The following GPC6 variants were observed in gnomAD, a reference collection of about 807,000 sequenced individuals.
GPC6 encodes glypican 6, also known as glypican-6.
Under a neutral mutation model 55.2 loss-of-function variants are expected in GPC6, and 14 were observed. That is an observed-to-expected ratio of 0.25 (90% CI 0.17 to 0.40). The LOEUF is 0.40. GPC6 is among the 10% of genes least tolerant of loss of function. GPC6 has a pLI of 1.00. For missense variants in GPC6, 641 were observed against 708.5 expected (o/e 0.90, Z 1.08); for synonymous variants, 278 against 259.6 (o/e 1.07, Z -0.68).
intron 4 of GPC6, among the ~76,000 whole-genome samples, chr13:94,196,834 A>G (rs1315095986): frequency 6.6e-6 from 1 of 152,196 alleles, no homozygotes; most frequent in African/African-American, 2.4e-5. Flanking sequence ...TGGAACTTTA[A>G]CCTCAATTAA....
intron 2 of GPC6, among the ~76,000 whole-genome samples, chr13:93,804,913 C>T (rs1197265483): frequency 6.6e-6 from 1 of 152,300 alleles, no homozygotes; most frequent in East Asian, 1.9e-4. Flanking sequence ...TCCATCCTAG[C>T]AGAGCTGTTA....
chr13:93,696,654 C>T (rs1882467431), intron 2 of GPC6, among the ~76,000 whole-genome samples: 2 of 141,104 alleles, frequency 1.4e-5, no homozygotes, highest in Non-Finnish European at 1.5e-5. Context: ...CCCTCTTTTG[C>T]TCTTTTGCCC....
At chr13:94,398,185 C>T (rs756020332) in intron 7 of GPC6, among the ~76,000 whole-genome samples, 8 of 151,388 alleles carry the variant, frequency 5.3e-5, no homozygotes, top group Non-Finnish European at 1.2e-4. Flanking sequence ...CTTATAGGTC[C>T]CCAATTTCGC....
chr13:93,418,687 G>A (rs1196476119), intron 1 of GPC6, among the ~76,000 whole-genome samples: 3 of 150,094 alleles, frequency 2.0e-5, no homozygotes, highest in African/African-American at 2.5e-5. Flanking sequence ...TATTAATAGT[G>A]CTATACCGTA....
At chr13:93,911,063 T>C (rs531845911) in intron 3 of GPC6, among the ~76,000 whole-genome samples, 11 of 152,214 alleles carry the variant, frequency 7.2e-5, no homozygotes, top group Non-Finnish European at 1.6e-4. Flanking sequence ...GAAGATGCTC[T>C]ATTTCAAACT....
chr13:94,007,868 C>A (rs76773568), intron 3 of GPC6, among the ~76,000 whole-genome samples: 7 of 151,904 alleles, frequency 4.6e-5, no homozygotes, highest in Non-Finnish European at 8.8e-5. Context: ...GTGAATCTAA[C>A]GTACATTTTT....
At chr13:93,267,364 C>G (rs924405063) in intron 1 of GPC6, among the ~76,000 whole-genome samples, 1 of 151,292 alleles carries the variant, frequency 6.6e-6, no homozygotes, top group Admixed American at 6.6e-5. Flanking sequence ...TCTCTTGGAT[C>G]ACTCATTCAT....
At chr13:93,273,636 C>G (rs1233222025) in intron 1 of GPC6, among the ~76,000 whole-genome samples, 1 of 151,868 alleles carries the variant, frequency 6.6e-6, no homozygotes, top group Non-Finnish European at 1.5e-5. Context: ...CCAGCCTGGG[C>G]GACAGAGCGA....
At chr13:93,433,471 GA>G (rs919666291) in intron 1 of GPC6, among the ~76,000 whole-genome samples, 7 of 152,146 alleles carry the variant, frequency 4.6e-5, no homozygotes, top group African/African-American at 1.7e-4. Context: ...TTTGGAATTA[GA>G]AAAACTTGGT....
intron 3 of GPC6, among the ~76,000 whole-genome samples, chr13:93,933,886 C>T (rs772260843): frequency 1.6e-4 from 24 of 152,128 alleles, no homozygotes; most frequent in Non-Finnish European, 3.1e-4. Context: ...AAACCGCAGC[C>T]CCTTCCATGG....
At chr13:94,129,180 T>A (rs1886928359) in intron 4 of GPC6, among the ~76,000 whole-genome samples, 1 of 152,114 alleles carries the variant, frequency 6.6e-6, no homozygotes, top group Non-Finnish European at 1.5e-5. Flanking sequence ...GAACAAACAA[T>A]ATAAATTGAA....
chr13:94,216,696 T>C (rs1428644248), intron 4 of GPC6, among the ~76,000 whole-genome samples: 1 of 152,154 alleles, frequency 6.6e-6, no homozygotes, highest in African/African-American at 2.4e-5. Context: ...TCACACATAG[T>C]GGTCAGAACC....
intron 3 of GPC6, among the ~76,000 whole-genome samples, chr13:93,970,674 G>A (rs571786521): frequency 2.0e-5 from 3 of 152,268 alleles, no homozygotes; most frequent in Admixed American, 6.5e-5. Context: ...TTAATTAGGT[G>A]CTAATTGCAA....
Position 93,788,256 on chromosome 13 carries a change from A to G in GPC6, c.320-41898A>G, listed in dbSNP as rs58797939. Among the ~76,000 whole-genome samples the G allele has an allele frequency of 2.7e-4, 41 of 152,180 alleles. No homozygotes were observed. The East Asian group carries it at 6.8e-3, about 25-fold the overall frequency. On this transcript the variant is annotated intron_variant, in intron 2 of 8. Transcript: ENST00000377047. Reference sequence around the variant, plus strand: ...ATACTGCATCTTCTGGAGGGTAAGAATGCTATGTCCTTACACAGCAGAAGG... The same window carrying G: ...ATACTGCATCTTCTGGAGGGTAAGAGTGCTATGTCCTTACACAGCAGAAGG...
chr13:94,330,765 A>G (rs1183094944), intron 6 of GPC6, among the ~76,000 whole-genome samples: 1 of 152,054 alleles, frequency 6.6e-6, no homozygotes, highest in East Asian at 1.9e-4. Flanking sequence ...TCCCTGTGTA[A>G]TCTCAAAAAG....
At chr13:93,932,088 C>T (rs1426290261) in intron 3 of GPC6, among the ~76,000 whole-genome samples, 1 of 152,136 alleles carries the variant, frequency 6.6e-6, no homozygotes, top group Non-Finnish European at 1.5e-5. Context: ...TTACTTCATT[C>T]AAGGATTTAT....
intron 1 of GPC6, among the ~76,000 whole-genome samples, chr13:93,264,306 AC>A (rs1285683610): frequency 2.0e-5 from 3 of 152,304 alleles, no homozygotes; most frequent in East Asian, 3.9e-4. Flanking sequence ...TGGTCCCAGG[AC>A]CCCCTGTGGC....
intron 2 of GPC6, among the ~76,000 whole-genome samples, chr13:93,787,988 A>T (rs935009070): frequency 6.6e-6 from 1 of 152,178 alleles, no homozygotes; most frequent in Non-Finnish European, 1.5e-5. Context: ...TCACTGAGAA[A>T]TTTTTTAAGA....
chr13:93,424,347 A>G (rs1877039422), intron 1 of GPC6, among the ~76,000 whole-genome samples: 1 of 152,120 alleles, frequency 6.6e-6, no homozygotes, highest in Non-Finnish European at 1.5e-5. Context: ...GTTAGGGCAT[A>G]ATCTTAGGCA....
Sources: allele counts gnomAD v4.1 joint callset (sites outside exome capture counted in the v4.1 genomes callset), GRCh38; gene constraint gnomAD v4.1.1; transcripts MANE v1.5; gene names NCBI Gene and HGNC (gene_info 2026-07-23, HGNC 2026-07-21).